GTF2F2: variants seen among roughly 807,000 people sequenced by gnomAD.
The protein encoded by GTF2F2 is ATP-dependent helicase GTF2F2.
A neutral mutation model predicts 42.2 loss-of-function variants in GTF2F2; 23 were observed. That is an observed-to-expected ratio of 0.55 (90% CI 0.39 to 0.77). GTF2F2 has a LOEUF of 0.77. Ranked by LOEUF, GTF2F2 falls within the 30% of genes least tolerant of loss-of-function variation. The pLI is 0.00. For synonymous variants in GTF2F2, 105 were observed against 100.8 expected, an observed-to-expected ratio of 1.04 and a Z score of -0.25; for missense variants, 261 against 287.2, an observed-to-expected ratio of 0.91 and a Z score of 0.66.
At chr13:45,283,047 T>C (rs547720924) in intron 7 of GTF2F2, among the ~76,000 whole-genome samples, 4 of 152,100 alleles carry the variant, frequency 2.6e-5, no homozygotes, top group Non-Finnish European at 5.9e-5. Flanking sequence ...AACTACTGGT[T>C]TCAATCTGTG....
chr13:45,229,006 C>T (rs1022871052), intron 5 of GTF2F2, among the ~76,000 whole-genome samples: 7 of 151,950 alleles, frequency 4.6e-5, no homozygotes, highest in South Asian at 4.2e-4. Flanking sequence ...CTCAGCCTCT[C>T]GAGTAGCTGA....
At chr13:45,222,537 A>G (rs1038729436) in intron 5 of GTF2F2, among the ~76,000 whole-genome samples, 1 of 152,212 alleles carries the variant, frequency 6.6e-6, no homozygotes, top group Non-Finnish European at 1.5e-5. Flanking sequence ...TTTAGCTTGG[A>G]TAAGGAATTA....
chr13:45,188,227 A>G (rs1417721450), intron 4 of GTF2F2, among the ~76,000 whole-genome samples: 1 of 152,182 alleles, frequency 6.6e-6, no homozygotes, highest in African/African-American at 2.4e-5. Flanking sequence ...TATATTGCTG[A>G]CAAAACAGCT....
intron 5 of GTF2F2, among the ~76,000 whole-genome samples, chr13:45,214,982 A>G (rs1009883227): frequency 2.6e-5 from 4 of 152,178 alleles, no homozygotes; most frequent in Non-Finnish European, 4.4e-5. Context: ...GATTTTTTCC[A>G]AAAACCTAAG....
At chr13:45,133,323 A>G (rs981624546) in intron 1 of GTF2F2, among the ~76,000 whole-genome samples, 3 of 152,164 alleles carry the variant, frequency 2.0e-5, no homozygotes, top group South Asian at 2.1e-4. Context: ...AAATAAAATT[A>G]AAAAGAGAAA....
intron 1 of GTF2F2, among the ~76,000 whole-genome samples, chr13:45,127,435 C>A (rs1198689409): frequency 6.6e-6 from 1 of 151,842 alleles, no homozygotes. Flanking sequence ...CAGTGATCCT[C>A]CTGCCTCAGC....
chr13:45,274,067 G>A (rs1037287391), intron 7 of GTF2F2, among the ~76,000 whole-genome samples: 34 of 152,104 alleles, frequency 2.2e-4, no homozygotes, highest in African/African-American at 8.0e-4. Flanking sequence ...ACTGGCAGAG[G>A]ACCTTGTACT....
chr13:45,164,312 T>C (rs1252910909), intron 4 of GTF2F2, among the ~76,000 whole-genome samples: 1 of 151,542 alleles, frequency 6.6e-6, no homozygotes, highest in East Asian at 1.9e-4. Context: ...TCTGTTGATA[T>C]GGTGATGGCA....
intron 4 of GTF2F2, among the ~76,000 whole-genome samples, chr13:45,195,062 A>T (rs1439918939): frequency 6.6e-6 from 1 of 152,196 alleles, no homozygotes; most frequent in Non-Finnish European, 1.5e-5. Flanking sequence ...AGGAAACATA[A>T]GGTGAAAATT....
intron 2 of GTF2F2, among the ~76,000 whole-genome samples, chr13:45,143,376 G>A (rs1469641515): frequency 6.6e-6 from 1 of 152,176 alleles, no homozygotes; most frequent in Non-Finnish European, 1.5e-5. Context: ...TTAGCCTGAG[G>A]TTTAGTCCTT....
intron 7 of GTF2F2, among the ~76,000 whole-genome samples, chr13:45,268,735 G>A (rs1404938269): frequency 1.3e-5 from 2 of 151,984 alleles, no homozygotes; most frequent in Non-Finnish European, 2.9e-5. Flanking sequence ...GAAAACAGAC[G>A]AGATTCTCAT....
intron 1 of GTF2F2, among the ~76,000 whole-genome samples, chr13:45,136,168 T>C (rs1869608618): frequency 6.6e-6 from 1 of 152,208 alleles, no homozygotes. Flanking sequence ...ATGGGGGTAA[T>C]AGTACCTGTT....
At chr13:45,248,295 T>G (rs1406775946) in intron 5 of GTF2F2, among the ~76,000 whole-genome samples, 1 of 152,188 alleles carries the variant, frequency 6.6e-6, no homozygotes, top group African/African-American at 2.4e-5. Flanking sequence ...ATAGATGTAC[T>G]GTATGTTTCC....
At chr13:45,235,347 T>G (rs9316124) in intron 5 of GTF2F2, among the ~76,000 whole-genome samples, 42,343 of 151,958 alleles carry the variant, frequency 0.28, 6,903 homozygotes, top group African/African-American at 0.43. Context: ...ACATTTCAAT[T>G]CTTTATGAAA....
At chr13:45,191,586 A>G (rs1872660537) in intron 4 of GTF2F2, among the ~76,000 whole-genome samples, 3 of 152,068 alleles carry the variant, frequency 2.0e-5, no homozygotes, top group South Asian at 4.1e-4. Context: ...TAAAATATAG[A>G]TATTTTCTGT....
At chr13:45,231,299 G>A (rs1240451480) in intron 5 of GTF2F2, among the ~76,000 whole-genome samples, 1 of 152,066 alleles carries the variant, frequency 6.6e-6, no homozygotes. Context: ...GTAGTGATGG[G>A]GTTTCACCAT....
intron 6 of GTF2F2, among the ~76,000 whole-genome samples, chr13:45,259,968 T>TTC (rs1392663109): frequency 6.6e-6 from 1 of 152,082 alleles, no homozygotes; most frequent in African/African-American, 2.4e-5. Context: ...AAAATAAGTT[T>TTC]TCTCTCTCTC....
At chr13:45,165,882 C>CGGCCTACT (rs1871277946) in intron 4 of GTF2F2, among the ~76,000 whole-genome samples, 1 of 135,596 alleles carries the variant, frequency 7.4e-6, no homozygotes, top group South Asian at 2.3e-4. Context: ...GGTGTGATCT[C>CGGCCTACT]GGCCTACTGC....
intron 5 of GTF2F2, among the ~76,000 whole-genome samples, chr13:45,210,238 G>GC (rs1300845750): frequency 1.3e-5 from 2 of 152,008 alleles, no homozygotes; most frequent in Non-Finnish European, 2.9e-5. Context: ...ACACCTTCTT[G>GC]CCATCCTCAT....
Sources: gnomAD v4.1 joint callset for allele counts (sites outside exome capture counted in the v4.1 genomes callset) on GRCh38, gnomAD v4.1.1 for gene constraint, MANE v1.5 for transcripts, NCBI Gene and HGNC (gene_info 2026-07-23, HGNC 2026-07-21) for gene names.